The following SLC18A2 variants were observed in gnomAD, a reference collection of about 807,000 sequenced individuals.
The protein encoded by SLC18A2 is solute carrier family 18 member A2.
SLC18A2 carries 33 observed loss-of-function variants against 59.2 expected under a neutral mutation model. The ratio of observed to expected loss-of-function variants is 0.56; its 90% CI spans 0.42 to 0.75. SLC18A2 has a LOEUF of 0.75. Among genes scored for constraint, SLC18A2 ranks in the 30% least tolerant of loss-of-function variants. The probability of loss-of-function intolerance (pLI) is 0.00; values close to 1 mark genes in which losing one functional copy is unlikely to be tolerated. For missense variants in SLC18A2, 569 were observed against 668.6 expected (o/e 0.85, Z 1.64); for synonymous variants, 228 against 253.5 (o/e 0.90, Z 0.95).
rs1844543857 is a variant in SLC18A2, at chr10:117,279,216, T to A, written c.*1950T>A. ...GACTAATATTCTTGGTTAGCAAGAC[T>A]GGAAAGAGGTGTTTTTTTAAAATGT... On this transcript the variant is annotated 3_prime_UTR_variant, in exon 16 of 16. Transcript: ENST00000644641. The A allele has an allele frequency of 6.6e-6, 1 of 152,192 alleles. No individual in the cohort carries two copies. The highest frequency in any genetic ancestry group is 2.4e-5 in the African/African-American group (1 of 41,442). 9.4% of individuals were successfully genotyped at this position (152,192 alleles called of 1,614,324 possible). A position where few individuals can be genotyped will look rare whatever the true frequency, so the allele number is the denominator to read the frequency against.
At chr10:117,263,008 T>C (rs1844311267) in intron 10 of SLC18A2, among the ~76,000 whole-genome samples, 1 of 152,180 alleles carries the variant, frequency 6.6e-6, no homozygotes, top group Admixed American at 6.5e-5. Context: ...GCTGCCTGGA[T>C]CTCATCAGAT....
chr10:117,260,379 C>T (rs1844281571), intron 10 of SLC18A2, among the ~76,000 whole-genome samples: 1 of 152,234 alleles, frequency 6.6e-6, no homozygotes, highest in Non-Finnish European at 1.5e-5. Context: ...TTGCCTCTTG[C>T]TGGCCTCACC....
intron 12 of SLC18A2, 138 bp downstream of exon 12, chr10:117,267,173 A>G: frequency 1.5e-6 from 1 of 675,370 alleles, no homozygotes; most frequent in Non-Finnish European, 2.5e-6. Flanking sequence ...CTAATTTTTT[A>G]TCATCTTAAA....
At position 117,241,688 on chromosome 10, in the gene SLC18A2, G is replaced by A. The variant is rs1252713806; in HGVS notation, c.-6G>A. On this transcript the variant is annotated 5_prime_UTR_variant, in exon 2 of 16. Transcript: ENST00000644641. ...CGCACCGCGCCCGCAGCGGAGCCCC[G>A]GAGCCATGGCCCTGAGCGAGCTGGC... 2 of 1,581,332 alleles carry A rather than the reference G, an allele frequency of 1.3e-6. No homozygotes were observed. Among genetic ancestry groups the A allele is most frequent in the East Asian group, 2.3e-5 (1 of 42,790 alleles).
At position 117,267,121 on chromosome 10, in the gene SLC18A2, C is replaced by T. The variant is rs1442764930; in HGVS notation, c.1122+86C>T. 2.3e-5 allele frequency: 24 copies of T among 1,022,962 alleles called. 1 individual carries two copies. Among genetic ancestry groups the T allele is most frequent in the Non-Finnish European group, 3.4e-5 (23 of 670,872 alleles). 63.4% of individuals were successfully genotyped at this position (1,022,962 alleles called of 1,614,324 possible). Reference sequence around the variant, plus strand: ...GCAAGAATCACCAAGAAACATTTTACGTTTGAGTTTGTTGATGTTTTATTA... The same window carrying T: ...GCAAGAATCACCAAGAAACATTTTATGTTTGAGTTTGTTGATGTTTTATTA... On this transcript the variant is annotated intron_variant, in intron 12 of 15. Transcript: ENST00000644641.
chr10:117,253,524 G>A (rs551973094), intron 4 of SLC18A2, 67 bp downstream of exon 4: 106 of 619,376 alleles, frequency 1.7e-4, no homozygotes, highest in African/African-American at 1.5e-3. Context: ...CCCATGAGCC[G>A]GGAATTAACA....
At chr10:117,276,626 A>AG (rs1202878556) in intron 15 of SLC18A2, among the ~76,000 whole-genome samples, 5 of 36,324 alleles carry the variant, frequency 1.4e-4, no homozygotes, top group African/African-American at 3.8e-4. Flanking sequence ...AAAAAAAAAA[A>AG]AAAAAAAGAA....
intron 9 of SLC18A2, among the ~76,000 whole-genome samples, chr10:117,257,587 G>A (rs1410088333): frequency 1.3e-5 from 2 of 152,288 alleles, no homozygotes; most frequent in South Asian, 2.1e-4. Context: ...TTGTCTCTGG[G>A]ATTCTAGTTG....
At chr10:117,271,022 A>G (rs781101177) in intron 15 of SLC18A2, among the ~76,000 whole-genome samples, 5 of 152,254 alleles carry the variant, frequency 3.3e-5, no homozygotes, top group African/African-American at 7.2e-5. Context: ...TAGGCAAGAT[A>G]CAGAGTATAA....
Position 117,270,141 on chromosome 10 carries a change from G to A in SLC18A2, c.1257G>A (p.Gly419=), listed in dbSNP as rs764791723. 2 of 1,614,242 alleles carry A rather than the reference G, an allele frequency of 1.2e-6. No homozygotes were observed. The highest frequency in any genetic ancestry group is 1.7e-6 in the Non-Finnish European group (2 of 1,180,048). ...LVDLRHVSVY[G]SVYAIADVAF... Reference sequence around the variant, plus strand: ...ACCTGCGGCACGTGTCCGTCTATGGGAGTGTGTACGCCATTGCGGATGTGG... The same window carrying A: ...ACCTGCGGCACGTGTCCGTCTATGGAAGTGTGTACGCCATTGCGGATGTGG... Residue 419 remains glycine, a synonymous_variant, in exon 14 of 16, where the codon GGG becomes GGA. Transcript: ENST00000644641.
chr10:117,256,975 C>T (rs533905694), intron 9 of SLC18A2, among the ~76,000 whole-genome samples: 4 of 152,240 alleles, frequency 2.6e-5, no homozygotes, highest in Non-Finnish European at 4.4e-5. Flanking sequence ...CCAGACAGCC[C>T]GACTGGGGAA....
chr10:117,271,724 T>C (rs1015737569), intron 15 of SLC18A2, among the ~76,000 whole-genome samples: 2 of 152,176 alleles, frequency 1.3e-5, no homozygotes, highest in African/African-American at 4.8e-5. Context: ...AGACCTCTCT[T>C]AGGAGACATC....
chr10:117,253,666 CA>C (rs1156314181), intron 4 of SLC18A2, among the ~76,000 whole-genome samples: 1 of 151,982 alleles, frequency 6.6e-6, no homozygotes, highest in African/African-American at 2.4e-5. Flanking sequence ...GCCAACATGG[CA>C]AAACCCCGTC....
rs17096012 is a variant in SLC18A2 at position 117,273,840 on chromosome 10, C to G, written c.1441-3322C>G. On this transcript the variant is annotated intron_variant, in intron 15 of 15. Transcript: ENST00000644641. ...TACTTATACTTTTCATTTGGTCCAC[C>G]ATGTTGGTTTGTTTGTACCACTTAG... Among the ~76,000 whole-genome samples the G allele has an allele frequency of 3.6e-4, 55 of 152,258 alleles. No homozygotes were observed. In the East Asian group the frequency reaches 9.8e-3, roughly 27 times the overall value.
In SLC18A2 at chr10:117,241,682, A is replaced by T. The variant is rs1211406536; in HGVS notation, c.-12A>T. On this transcript the variant is annotated 5_prime_UTR_variant, in exon 2 of 16. Coordinates refer to ENST00000644641, the MANE Select transcript of SLC18A2 (RefSeq NM_003054.6). The stretch of plus-strand genomic sequence containing the variant: ...TCACCGCGCACCGCGCCCGCAGCGG[A>T]GCCCCGGAGCCATGGCCCTGAGCGA... 1 of 1,571,604 alleles carries T rather than the reference A, an allele frequency of 6.4e-7. No individual in the cohort carries two copies. Among genetic ancestry groups the T allele is most frequent in the Non-Finnish European group, 8.6e-7 (1 of 1,161,152 alleles).
At chr10:117,268,585 C>CT (rs1339295222) in intron 13 of SLC18A2, 1 of 151,952 alleles carries the variant, frequency 6.6e-6, no homozygotes, top group African/African-American at 2.4e-5. Flanking sequence ...ACTGTACGGC[C>CT]CCTGGCCTGC....
intron 3 of SLC18A2, 148 bp from the exon 4 acceptor site, chr10:117,253,251 A>G: frequency 3.1e-6 from 2 of 645,236 alleles, no homozygotes; most frequent in South Asian, 1.8e-5. Flanking sequence ...AAAAGGTCAC[A>G]TAGGAAGCAC....
At chr10:117,258,650 T>G (rs73389860) in intron 10 of SLC18A2, among the ~76,000 whole-genome samples, 7,163 of 152,264 alleles carry the variant, frequency 0.047, 342 homozygotes, top group African/African-American at 0.12. Context: ...ACAGCTGTCT[T>G]TTTCCCACGC....
At position 117,266,987 on chromosome 10, in the gene SLC18A2, G is replaced by A. The variant is rs1297552619; in HGVS notation, c.1074G>A (p.Trp358Ter). The change falls in exon 12 of 16, where the codon TGG becomes TGA. Residue 358 changes from tryptophan (W) to a stop codon, truncating the protein, a stop_gained. Transcript: ENST00000644641. LOFTEE classifies it high-confidence loss of function. ...FGILAHKMGR[W>*]LCALLGMIIV... ...ATGGTGCTTTTTCTTTTGGTAGGTG[G>A]CTTTGTGCTCTTCTGGGAATGATAA... 4 of 1,613,074 alleles carry A rather than the reference G, an allele frequency of 2.5e-6. No homozygotes were observed. The highest frequency in any genetic ancestry group is 3.4e-6 in the Non-Finnish European group (4 of 1,179,760).
Sources: allele counts gnomAD v4.1 joint callset (sites outside exome capture counted in the v4.1 genomes callset), GRCh38; gene constraint gnomAD v4.1.1; transcripts MANE v1.5; gene names NCBI Gene and HGNC (gene_info 2026-07-23, HGNC 2026-07-21).